The following RNF169 variants were observed in gnomAD, a reference collection of about 807,000 sequenced individuals.
The protein encoded by RNF169 is E3 ubiquitin-protein ligase RNF169.
RNF169 carries 24 observed loss-of-function variants against 53.9 expected under a neutral mutation model. That is an observed-to-expected ratio of 0.45 (90% confidence interval 0.32 to 0.63). The LOEUF (loss-of-function observed/expected upper bound fraction) is 0.63. Among genes scored for constraint, RNF169 ranks in the 20% least tolerant of loss-of-function variants. RNF169 has a pLI of 0.04. For missense variants in RNF169, 883 were observed against 906.2 expected, an observed-to-expected ratio of 0.97 and a Z score of 0.33; for synonymous variants, 396 against 363.5, an observed-to-expected ratio of 1.09 and a Z score of -1.02.
intron 1 of RNF169, among the ~76,000 whole-genome samples, chr11:74,780,456 A>G (rs1388209133): frequency 1.3e-5 from 2 of 152,000 alleles, no homozygotes; most frequent in Non-Finnish European, 2.9e-5. Context: ...CTTTTTCCTC[A>G]CTAGTACTTG....
At chr11:74,814,031 TG>T (rs1350946965) in intron 3 of RNF169, among the ~76,000 whole-genome samples, 1 of 151,916 alleles carries the variant, frequency 6.6e-6, no homozygotes, top group Non-Finnish European at 1.5e-5. Flanking sequence ...TCTTAAGTTG[TG>T]GGTATTGGCC....
In RNF169 at chr11:74,835,713, G is replaced by A; in HGVS notation, c.1110G>A (p.Glu370=). ...LHKPERSVSP[E]SNDSISEELN... ...AGCCAGAGCGTTCTGTCAGCCCTGA[G>A]AGCAATGACAGCATCTCCGAAGAAC... The change falls in exon 6 of 6, where the codon GAG becomes GAA. Residue 370 remains glutamate, a synonymous_variant. Coordinates refer to ENST00000299563, the MANE Select transcript of RNF169 (RefSeq NM_001098638.2). 4 of 1,614,128 alleles carry A rather than the reference G, an allele frequency of 2.5e-6. No homozygotes were observed. The highest frequency in any genetic ancestry group is 3.4e-6 in the Non-Finnish European group (4 of 1,180,024).
chr11:74,772,940 T>C (rs1467815452), intron 1 of RNF169, among the ~76,000 whole-genome samples: 1 of 152,226 alleles, frequency 6.6e-6, no homozygotes, highest in Non-Finnish European at 1.5e-5. Context: ...GTCCATAGTA[T>C]GTCATCAATA....
intron 1 of RNF169, among the ~76,000 whole-genome samples, chr11:74,780,765 T>G (rs1051419948): frequency 6.6e-6 from 1 of 152,332 alleles, no homozygotes; most frequent in African/African-American, 2.4e-5. Flanking sequence ...TAAAAAAATC[T>G]ATATGAAGGC....
At chr11:74,782,478 G>A (rs952951086) in intron 1 of RNF169, among the ~76,000 whole-genome samples, 6 of 152,120 alleles carry the variant, frequency 3.9e-5, no homozygotes, top group African/African-American at 1.4e-4. Flanking sequence ...CCTATGACAA[G>A]CTAATACCTG....
chr11:74,751,891 C>G (rs1378921001), intron 1 of RNF169, among the ~76,000 whole-genome samples: 3 of 152,058 alleles, frequency 2.0e-5, no homozygotes, highest in African/African-American at 7.2e-5. Flanking sequence ...TTTTAATAGG[C>G]AGTGCATTCA....
intron 1 of RNF169, among the ~76,000 whole-genome samples, chr11:74,781,168 G>A (rs1213200459): frequency 1.3e-5 from 2 of 152,208 alleles, no homozygotes; most frequent in African/African-American, 2.4e-5. Flanking sequence ...GATCTCAGTT[G>A]GATCCTTGGA....
chr11:74,817,663 G>A lies in RNF169; in HGVS notation c.791G>A (p.Arg264His), dbSNP rs372935960. 1.3e-5 allele frequency: 21 copies of A among 1,613,846 alleles called. No homozygotes were observed. Among genetic ancestry groups the A allele is most frequent in the East Asian group, 6.7e-5 (3 of 44,888 alleles). Residue 264 changes from arginine to histidine, a missense_variant, in exon 4 of 6, where the codon CGC (arginine) becomes CAC (histidine). This residue lies in a region of RNF169 where 219 missense variants were observed against 289.1 expected (regional missense o/e 0.76). Transcript: ENST00000299563. ...CGAGGCCAGATGACACAGACACATC[G>A]CTCGGCATTTGTTTCCAAGAACAAC... is the stretch of plus-strand genomic sequence containing the variant. ...PSRGQMTQTH[R>H]SAFVSKNNSY...
At chr11:74,797,579 T>G (rs1356799902) in intron 2 of RNF169, among the ~76,000 whole-genome samples, 2 of 152,210 alleles carry the variant, frequency 1.3e-5, no homozygotes, top group Non-Finnish European at 2.9e-5. Context: ...CACCAAGTAC[T>G]TATCTAATTG....
At chr11:74,763,903 AT>A (rs1208578107) in intron 1 of RNF169, among the ~76,000 whole-genome samples, 1 of 152,202 alleles carries the variant, frequency 6.6e-6, no homozygotes, top group African/African-American at 2.4e-5. Context: ...CTTGAGTACA[AT>A]GGTGTGATCA....
At chr11:74,785,254 G>GTTATATATATT (rs2035481477) in intron 1 of RNF169, among the ~76,000 whole-genome samples, 1 of 135,708 alleles carries the variant, frequency 7.4e-6, no homozygotes, top group African/African-American at 2.8e-5. Context: ...ATATATGTTA[G>GTTATATATATT]ATATATATGT....
intron 3 of RNF169, among the ~76,000 whole-genome samples, chr11:74,812,864 C>T (rs1348680863): frequency 6.6e-6 from 1 of 152,202 alleles, no homozygotes; most frequent in Non-Finnish European, 1.5e-5. Flanking sequence ...TTCACCCCAA[C>T]ATTTAGGCCC....
At chr11:74,765,800 A>G (rs150014727) in intron 1 of RNF169, among the ~76,000 whole-genome samples, 280 of 150,560 alleles carry the variant, frequency 1.9e-3, no homozygotes, top group African/African-American at 6.6e-3. Flanking sequence ...AGCCTGGGCA[A>G]CATCTCAAAA....
In RNF169 at chr11:74,749,463, C is replaced by T. The variant is rs1375199960; in HGVS notation, c.502+81C>T. On this transcript the variant is annotated intron_variant, in intron 1 of 5. Transcript: ENST00000299563. ...CCGGCCTGGTGAGGGGGTGGAGAGT[C>T]CCGGGCCCTACTCGGGCGGGTGTGG... The T allele has an allele frequency of 2.5e-5, 28 of 1,116,942 alleles. No homozygotes were observed. The African/African-American group carries it at 3.9e-4, about 16-fold the overall frequency. 69.2% of individuals were successfully genotyped at this position (1,116,942 alleles called of 1,614,324 possible).
Position 74,804,101 on chromosome 11 carries a change from G to GT in RNF169, c.577-6077dup, listed in dbSNP as rs563462508. ...GCACGTTCTCCCCATATCTGTGTGGGTTTTTTCTGGATACTCTGGTTTCCT... is the reference window on the plus strand; with the variant it reads ...GCACGTTCTCCCCATATCTGTGTGGGTTTTTTTCTGGATACTCTGGTTTCCT... On this transcript the variant is annotated intron_variant, in intron 2 of 5. Transcript: ENST00000299563. 5.6e-4 allele frequency among the ~76,000 whole-genome samples: 85 copies of GT among 152,270 alleles called. 1 individual carries two copies. In the South Asian group the frequency reaches 0.017, roughly 31 times the overall value.
At chr11:74,806,069 C>T (rs1565181937) in intron 2 of RNF169, among the ~76,000 whole-genome samples, 1 of 151,854 alleles carries the variant, frequency 6.6e-6, no homozygotes, top group African/African-American at 2.4e-5. Context: ...GATATATGTA[C>T]ATATGTATTC....
chr11:74,791,285 G>A (rs1278194771), intron 2 of RNF169, among the ~76,000 whole-genome samples: 2 of 152,146 alleles, frequency 1.3e-5, no homozygotes, highest in Non-Finnish European at 2.9e-5. Context: ...TTGGTCCATG[G>A]GCAGGCCTGG....
chr11:74,822,808 T>C lies in RNF169; in HGVS notation c.842+5094T>C, dbSNP rs543998875. 1.6e-4 allele frequency among the ~76,000 whole-genome samples: 25 copies of C among 152,070 alleles called. No individual in the cohort carries two copies. In the South Asian group the frequency reaches 4.6e-3, roughly 28 times the overall value. On this transcript the variant is annotated intron_variant, in intron 4 of 5. Coordinates refer to ENST00000299563, the MANE Select transcript of RNF169 (RefSeq NM_001098638.2). The stretch of plus-strand genomic sequence containing the variant: ...TAATAAATGTTGATGTTTTCTTTCT[T>C]TTCCTTAAGGGATAGAAAGAGGTTA...
rs1046979468 is a variant in RNF169, at chr11:74,806,148, A to T, written c.577-4036A>T. On this transcript the variant is annotated intron_variant, in intron 2 of 5. Coordinates refer to ENST00000299563, the MANE Select transcript of RNF169 (RefSeq NM_001098638.2). ...GAACTCTTACAAATTACTAGAGGAA[A>T]AAAACAAACATCTAAAAGAAAAAAG... Among the ~76,000 whole-genome samples, 7 of 152,238 alleles carry T rather than the reference A, an allele frequency of 4.6e-5. 1 individual carries two copies. Among genetic ancestry groups the T allele is most frequent in the African/African-American group, 1.7e-4 (7 of 41,460 alleles).
Sources: allele counts gnomAD v4.1 joint callset (sites outside exome capture counted in the v4.1 genomes callset), GRCh38; gene constraint gnomAD v4.1.1; regional missense constraint gnomAD v4.1.1; transcripts MANE v1.5; gene names NCBI Gene and HGNC (gene_info 2026-07-23, HGNC 2026-07-21).